Variants in NRG1 observed in about 807,000 individuals in gnomAD.
NRG1 encodes the protein neuregulin 1.
In NRG1, 18 loss-of-function variants were observed where a neutral mutation model predicts 63.8. The observed-to-expected ratio is 0.28, with a 90% CI of 0.19 to 0.42. NRG1 has a LOEUF of 0.42. Ranked by LOEUF, NRG1 falls within the 10% of genes least tolerant of loss-of-function variation. The pLI is 1.00. For missense variants in NRG1, 762 were observed against 814.7 expected (o/e 0.94, Z 0.79); for synonymous variants, 302 against 301.3 (o/e 1.00, Z -0.02).
intron 5 of NRG1, among the ~76,000 whole-genome samples, chr8:32,635,499 C>A (rs1024542763): frequency 2.6e-5 from 4 of 152,110 alleles, no homozygotes; most frequent in African/African-American, 9.7e-5. Flanking sequence ...TACAGTCATG[C>A]CATTTCATTT....
At chr8:32,027,892 A>AT (rs1480650502) in intron 1 of NRG1, among the ~76,000 whole-genome samples, 1 of 152,180 alleles carries the variant, frequency 6.6e-6, no homozygotes, top group African/African-American at 2.4e-5. Context: ...CCACTATTTC[A>AT]TTCCGGGTAG....
chr8:31,940,206 C>G (rs528727260), intron 1 of NRG1, among the ~76,000 whole-genome samples: 1 of 152,232 alleles, frequency 6.6e-6, no homozygotes, highest in African/African-American at 2.4e-5. Flanking sequence ...AGTACTCTCT[C>G]AGACTACAGT....
At chr8:32,609,484 C>T (rs1845913624) in intron 3 of NRG1, among the ~76,000 whole-genome samples, 1 of 151,792 alleles carries the variant, frequency 6.6e-6, no homozygotes, top group East Asian at 1.9e-4. Flanking sequence ...ACCATGTCTT[C>T]CTAAATAGAT....
intron 1 of NRG1, among the ~76,000 whole-genome samples, chr8:32,319,894 C>A (rs1801176625): frequency 1.3e-5 from 2 of 152,090 alleles, no homozygotes; most frequent in Middle Eastern, 3.4e-3. Flanking sequence ...TAATATAATG[C>A]TAATACAAAG....
intron 1 of NRG1, among the ~76,000 whole-genome samples, chr8:32,565,034 C>T (rs1837181862): frequency 6.6e-6 from 1 of 152,094 alleles, no homozygotes; most frequent in Non-Finnish European, 1.5e-5. Context: ...CATATCACTG[C>T]ACTGCAGCCA....
In NRG1 at chr8:31,742,035, G is replaced by C. The variant is rs563082661; in HGVS notation, c.37+102604G>C. On this transcript the variant is annotated intron_variant, in intron 1 of 10. Transcript: ENST00000519301. ...CTGTTAAAAATAACTGTAATGCAGT[G>C]TTACTCATCAATCTGGATGAATTTC... 1.6e-4 allele frequency among the ~76,000 whole-genome samples: 25 copies of C among 152,120 alleles called. No individual in the cohort carries two copies. The South Asian group carries it at 5.2e-3, about 32-fold the overall frequency.
At chr8:32,564,404 T>A (rs1054601417) in intron 1 of NRG1, among the ~76,000 whole-genome samples, 1 of 152,210 alleles carries the variant, frequency 6.6e-6, no homozygotes, top group Non-Finnish European at 1.5e-5. Flanking sequence ...GGAAGGTGTT[T>A]TAATTGATTG....
intron 1 of NRG1, among the ~76,000 whole-genome samples, chr8:31,830,508 C>G (rs1035077641): frequency 1.2e-4 from 19 of 152,108 alleles, no homozygotes. Flanking sequence ...ATTAAACTAA[C>G]CAGTGAAGAT....
At chr8:32,238,131 A>G (rs1295201035) in intron 1 of NRG1, among the ~76,000 whole-genome samples, 2 of 152,158 alleles carry the variant, frequency 1.3e-5, no homozygotes, top group Non-Finnish European at 2.9e-5. Flanking sequence ...AAATAAATAC[A>G]GGTATAATAA....
intron 1 of NRG1, among the ~76,000 whole-genome samples, chr8:31,870,942 G>A (rs1223619593): frequency 5.9e-5 from 9 of 151,962 alleles, no homozygotes; most frequent in South Asian, 4.1e-4. Flanking sequence ...AAAGGAGTAC[G>A]TGTTAGTAGC....
At chr8:32,760,333 C>G in exon 11 of NRG1, 4 of 1,613,990 alleles carry the variant, frequency 2.5e-6, no homozygotes, top group Non-Finnish European at 3.4e-6. Flanking sequence ...AGGAGGCCCT[C>G]GTGAATGTAA....
At chr8:31,729,733 G>A (rs1813828661) in intron 1 of NRG1, among the ~76,000 whole-genome samples, 1 of 152,016 alleles carries the variant, frequency 6.6e-6, no homozygotes, top group African/African-American at 2.4e-5. Flanking sequence ...GGAAATCAGG[G>A]CAAACAGAAT....
rs145595992 is a variant in NRG1 at position 31,919,388 on chromosome 8, CT to C, written c.37+279969del. Among the ~76,000 whole-genome samples, 346 of 142,236 alleles carry C rather than the reference CT, an allele frequency of 2.4e-3. 2 individuals carry two copies. Among genetic ancestry groups the C allele is most frequent in the Middle Eastern group, 0.015 (4 of 264 alleles). 93.3% of individuals were successfully genotyped at this position (142,236 alleles called of 152,430 possible). A position where few individuals can be genotyped will look rare whatever the true frequency, so the allele number is the denominator to read the frequency against. ...AAAAAAGCAAGAAGGGGTTGTCATT[CT>C]TTTTTTTTTTTCATTTGTTCTTCAA... On this transcript the variant is annotated intron_variant, in intron 1 of 10. Coordinates refer to the NRG1 transcript ENST00000519301.
chr8:32,674,688 A>G (rs1806595770), intron 5 of NRG1, among the ~76,000 whole-genome samples: 2 of 152,230 alleles, frequency 1.3e-5, no homozygotes, highest in Non-Finnish European at 2.9e-5. Context: ...CACAGTTTAT[A>G]GACACTTTAC....
intron 1 of NRG1, among the ~76,000 whole-genome samples, chr8:32,259,023 G>A (rs1850062513): frequency 6.6e-6 from 1 of 152,152 alleles, no homozygotes; most frequent in South Asian, 2.1e-4. Flanking sequence ...AGATCAATAA[G>A]AGACCTGCAA....
rs756206573 is a variant in NRG1 at position 32,728,091 on chromosome 8, A to G, written c.632+13A>G. 4 of 1,613,824 alleles carry G rather than the reference A, an allele frequency of 2.5e-6. No individual in the cohort carries two copies. The South Asian group carries it at 4.4e-5, about 18-fold the overall frequency. The stretch of plus-strand genomic sequence containing the variant: ...GATACTTGTGCAAGTAAGAAAAGAA[A>G]TCCTGTGTGTCGCTTATGTCTATAA... On this transcript the variant is annotated intron_variant, in intron 6 of 11. Coordinates refer to ENST00000356819, the Ensembl canonical transcript of NRG1.
chr8:32,520,166 G>A (rs901822762), intron 1 of NRG1, among the ~76,000 whole-genome samples: 2 of 152,010 alleles, frequency 1.3e-5, no homozygotes, highest in Non-Finnish European at 2.9e-5. Context: ...GTTTTCTTCT[G>A]TTGTTTGTTT....
intron 1 of NRG1, among the ~76,000 whole-genome samples, chr8:31,660,481 A>C (rs965344343): frequency 6.6e-6 from 1 of 152,196 alleles, no homozygotes; most frequent in African/African-American, 2.4e-5. Context: ...AGGGTGTGTT[A>C]AGATGATTTG....
Position 32,760,990 on chromosome 8 carries a change from C to T in NRG1, c.1259+584C>T, listed in dbSNP as rs924039727. The T allele has an allele frequency of 2.4e-5, 24 of 985,838 alleles. No homozygotes were observed. In the South Asian group the frequency reaches 5.2e-4, roughly 21 times the overall value. 61.1% of individuals were successfully genotyped at this position (985,838 alleles called of 1,614,324 possible). On this transcript the variant is annotated intron_variant, in intron 11 of 11. Transcript: ENST00000356819. ...GAATAAATAAATCTCTTGGATGCTGCGTCTGGCAGTCTTCACGGGTGGTTT... is the reference window on the plus strand; with the variant it reads ...GAATAAATAAATCTCTTGGATGCTGTGTCTGGCAGTCTTCACGGGTGGTTT...
Sources: gnomAD v4.1 joint callset for allele counts (sites outside exome capture counted in the v4.1 genomes callset) on GRCh38, gnomAD v4.1.1 for gene constraint, MANE v1.5 for transcripts, NCBI Gene and HGNC (gene_info 2026-07-23, HGNC 2026-07-21) for gene names.